The following NF2 variants were observed in gnomAD, a reference collection of about 807,000 sequenced individuals.
NF2 encodes merlin.
A neutral mutation model predicts 83.7 loss-of-function variants in NF2; 8 were observed. That is an observed-to-expected ratio of 0.10 (90% CI 0.06 to 0.17). NF2 has a LOEUF of 0.17. Ranked by LOEUF, NF2 falls within the 10% of genes least tolerant of loss-of-function variation. NF2 has a pLI of 1.00. For missense variants in NF2, 533 were observed against 744.4 expected, an observed-to-expected ratio of 0.72 and a Z score of 3.31; for synonymous variants, 266 against 269.6, an observed-to-expected ratio of 0.99 and a Z score of 0.13.
At chr22:29,644,744 C>A (rs1158796967) in intron 4 of NF2, among the ~76,000 whole-genome samples, 1 of 152,066 alleles carries the variant, frequency 6.6e-6, no homozygotes, top group Admixed American at 6.6e-5. Context: ...CACAGCGAAA[C>A]CCCGTCTCCA....
At position 29,658,192 on chromosome 22, in the gene NF2, T is replaced by G; in HGVS notation, c.603T>G (p.Asp201Glu). Residue 201 changes from aspartate (D) to glutamate (E), a missense_variant, in exon 7 of 16, where the codon GAT (aspartate) becomes GAG (glutamate). Asp to Glu is a conservative substitution (Grantham distance 45). Coordinates refer to ENST00000338641, the MANE Select transcript of NF2 (RefSeq NM_000268.4). ...WYAEHRGRAR[D>E]EAEMEYLKIA... ...GTGTCTTCCGTTCTCCCCACAGGGA[T>G]GAAGCTGAAATGGAATATCTGAAGA... The G allele has an allele frequency of 6.2e-7, 1 of 1,614,058 alleles. No homozygotes were observed. The highest frequency in any genetic ancestry group is 8.5e-7 in the Non-Finnish European group (1 of 1,180,010).
chr22:29,606,648 T>C (rs2064806152), intron 1 of NF2, among the ~76,000 whole-genome samples: 3 of 152,222 alleles, frequency 2.0e-5, no homozygotes, highest in African/African-American at 4.8e-5. Flanking sequence ...CTGGGAGATC[T>C]GCGGATTTAA....
chr22:29,685,823 G>A (rs1601674776), intron 15 of NF2, among the ~76,000 whole-genome samples: 1 of 152,186 alleles, frequency 6.6e-6, no homozygotes, highest in South Asian at 2.1e-4. Flanking sequence ...GCTGATTCAA[G>A]GAGTTTGCCC....
Position 29,697,408 on chromosome 22 carries a change from C to A in NF2, c.*2606C>A, listed in dbSNP as rs993440157. 2 of 191,904 alleles carry A rather than the reference C, an allele frequency of 1.0e-5. No homozygotes were observed. Among genetic ancestry groups the A allele is most frequent in the Non-Finnish European group, 2.2e-5 (2 of 91,748 alleles). The allele number at this position is 191,904 out of a possible 1,614,324, so 11.9% of individuals were successfully genotyped here. On this transcript the variant is annotated 3_prime_UTR_variant, in exon 16 of 16. Transcript: ENST00000338641. ...CCTTGCTCAGCCAGGAGCACTTCCC[C>A]CTCCTTGAGGCAGGAATACTGAGGT...
At chr22:29,664,013 A>G (rs1444901622) in intron 8 of NF2, among the ~76,000 whole-genome samples, 1 of 151,982 alleles carries the variant, frequency 6.6e-6, no homozygotes, top group Non-Finnish European at 1.5e-5. Flanking sequence ...ACTATAGTCC[A>G]TTTTTTCCCC....
chr22:29,652,356 G>A (rs931381253), intron 4 of NF2, among the ~76,000 whole-genome samples: 2 of 152,202 alleles, frequency 1.3e-5, no homozygotes, highest in Non-Finnish European at 2.9e-5. Context: ...CCAGGCTGTA[G>A]TGCAATGGCA....
At chr22:29,637,880 G>C (rs1453693723) in intron 2 of NF2, among the ~76,000 whole-genome samples, 2 of 152,194 alleles carry the variant, frequency 1.3e-5, no homozygotes, top group African/African-American at 4.8e-5. Flanking sequence ...ACCAGATTTT[G>C]AATCTCCTTG....
chr22:29,642,382 A>G, intron 4 of NF2, 97 bp downstream of exon 4: 1 of 966,342 alleles, frequency 1.0e-6, no homozygotes, highest in East Asian at 2.5e-5. Flanking sequence ...TGTACTTCAG[A>G]GAGACTTGCC....
chr22:29,668,754 A>G (rs2066700387), intron 10 of NF2, among the ~76,000 whole-genome samples: 1 of 152,208 alleles, frequency 6.6e-6, no homozygotes, highest in Admixed American at 6.5e-5. Context: ...CCGTCCGGCT[A>G]GCTAGCTTGC....
chr22:29,636,915 G>A lies in NF2; in HGVS notation c.240+39G>A, dbSNP rs2146855782. 6.2e-7 allele frequency: 1 copy of A among 1,613,244 alleles called. No individual in the cohort carries two copies. Among genetic ancestry groups the A allele is most frequent in the South Asian group, 1.1e-5 (1 of 91,028 alleles). On this transcript the variant is annotated intron_variant, in intron 2 of 15. Transcript: ENST00000338641. This position sits in a 1 kb window ranked among gnomAD's most constrained non-coding sequence, Gnocchi z 4.4. ...TCGATGAAACTGGTGGGGCTGACGT[G>A]AGCTTTCCAGTTTTTCCCTGAGCAG...
Position 29,654,730 on chromosome 22 carries a change from G to A in NF2, c.516+5G>A. On this transcript the variant is annotated splice_donor_5th_base_variant and intron_variant, in intron 5 of 15. Coordinates refer to ENST00000338641, the MANE Select transcript of NF2 (RefSeq NM_000268.4). Reference sequence around the variant, plus strand: ...GAGGAATTGCTTCCAAAAAGGGTAAGAGATTAAATTCCCTTTTCAGGAAGA... The same window carrying A: ...GAGGAATTGCTTCCAAAAAGGGTAAAAGATTAAATTCCCTTTTCAGGAAGA... 6.2e-7 allele frequency: 1 copy of A among 1,610,064 alleles called. No homozygotes were observed. Among genetic ancestry groups the A allele is most frequent in the Non-Finnish European group, 8.5e-7 (1 of 1,176,320 alleles).
intron 11 of NF2, 50 bp from the exon 12 acceptor site, chr22:29,673,219 G>T: frequency 1.3e-6 from 2 of 1,538,620 alleles, no homozygotes; most frequent in East Asian, 2.4e-5. Context: ...AGATCTGGGC[G>T]GGAGAACAGC....
chr22:29,622,614 C>T (rs570508490), intron 1 of NF2, among the ~76,000 whole-genome samples: 160 of 147,702 alleles, frequency 1.1e-3, no homozygotes, highest in Middle Eastern at 3.5e-3. Context: ...CCGCTTCCCT[C>T]TCACTGACAG....
intron 12 of NF2, among the ~76,000 whole-genome samples, chr22:29,674,186 G>A (rs1351052701): frequency 6.6e-6 from 1 of 152,204 alleles, no homozygotes; most frequent in African/African-American, 2.4e-5. Context: ...TGTCGTTCTG[G>A]GAATATGGTT....
chr22:29,683,440 A>G (rs1165462496), intron 15 of NF2: 2 of 1,247,964 alleles, frequency 1.6e-6, no homozygotes, highest in Non-Finnish European at 2.0e-6. Context: ...CAATCTGGGC[A>G]CTTTGGAGAC....
In NF2 at chr22:29,696,706, A is replaced by G. The variant is rs73390944; in HGVS notation, c.*1904A>G. The G allele has an allele frequency of 0.14, 29,615 of 213,820 alleles. 2,248 individuals are homozygous for G. The highest frequency in any genetic ancestry group is 0.19 in the African/African-American group (8,522 of 44,060). 13.2% of individuals were successfully genotyped at this position (213,820 alleles called of 1,614,324 possible). ...CTCCAGACCTAGAGCGTAAGTATGG[A>G]TGTTGTGGCCCTGTGTCTTCCTAGT... On this transcript the variant is annotated 3_prime_UTR_variant, in exon 16 of 16. Transcript: ENST00000338641.
rs1441864736 is a variant in NF2 at position 29,636,065 on chromosome 22, G to C, written c.115-686G>C. The stretch of plus-strand genomic sequence containing the variant: ...TTGCTTCAGGTTCTTTTGAAAGTGA[G>C]GCTATAGGATAAACACACTACAGTA... On this transcript the variant is annotated intron_variant, in intron 1 of 15. Transcript: ENST00000338641. The surrounding 1 kb of genome is among the most constrained non-coding windows in gnomAD (Gnocchi z 4.4). Among the ~76,000 whole-genome samples the C allele has an allele frequency of 6.6e-6, 1 of 152,156 alleles. No homozygotes were observed. The highest frequency in any genetic ancestry group is 2.4e-5 in the African/African-American group (1 of 41,418).
At chr22:29,615,411 A>G (rs2065058286) in intron 1 of NF2, among the ~76,000 whole-genome samples, 1 of 152,086 alleles carries the variant, frequency 6.6e-6, no homozygotes, top group Non-Finnish European at 1.5e-5. Flanking sequence ...TTTCTCTACA[A>G]AAAATTTAAA....
At chr22:29,619,196 C>T (rs2065148705) in intron 1 of NF2, among the ~76,000 whole-genome samples, 3 of 152,058 alleles carry the variant, frequency 2.0e-5, no homozygotes, top group African/African-American at 7.2e-5. Context: ...AGGCATGTGC[C>T]AACACGCCCT....
Sources: allele counts gnomAD v4.1 joint callset (sites outside exome capture counted in the v4.1 genomes callset), GRCh38; gene constraint gnomAD v4.1.1; non-coding constraint Gnocchi (gnomAD v3.1); transcripts MANE v1.5; gene names NCBI Gene and HGNC (gene_info 2026-07-23, HGNC 2026-07-21).